The following FAT1 variants were observed in gnomAD, a reference collection of about 807,000 sequenced individuals.
FAT1 encodes the protein protocadherin Fat 1.
FAT1 carries 171 observed loss-of-function variants against 329.8 expected under a neutral mutation model. The ratio of observed to expected loss-of-function variants is 0.52; its 90% CI spans 0.46 to 0.59. FAT1 has a LOEUF of 0.59. Ranked by LOEUF, FAT1 falls within the 20% of genes least tolerant of loss-of-function variation. The pLI, the probability that FAT1 is intolerant of heterozygous loss-of-function variation, is 0.00. For synonymous variants in FAT1, 2,233 were observed against 2,228.6 expected (o/e 1.00, Z -0.06); for missense variants, 5,672 against 5,774.4 (o/e 0.98, Z 0.57).
intron 4 of FAT1, among the ~76,000 whole-genome samples, chr4:186,638,011 A>G (rs1028266443): frequency 2.6e-5 from 4 of 152,254 alleles, no homozygotes; most frequent in Admixed American, 2.6e-4. Flanking sequence ...GAGAAATACA[A>G]GCAAGCACTA....
rs1414670349 is a variant in FAT1 at position 186,600,219 on chromosome 4, C to T, written c.11782G>A (p.Asp3928Asn). 6.2e-7 allele frequency: 1 copy of T among 1,613,930 alleles called. No homozygotes were observed. The highest frequency in any genetic ancestry group is 1.3e-5 in the African/African-American group (1 of 74,940). ...VNGNYARLVL[D>N]QVHTASGTAP... is the part of the protein sequence containing the mutation. ...GTGCCCGATGCAGTATGAACTTGGT[C>T]TAGAACCAAGCGAGCATAGTTTCCA... Residue 3928 changes from aspartate (D) to asparagine (N), a missense_variant, in exon 22 of 27, where the codon GAC (aspartate) becomes AAC (asparagine). This residue lies in a region of FAT1 where 1,706 missense variants were observed against 1,859.1 expected (regional missense o/e 0.92). Coordinates refer to ENST00000441802, the MANE Select transcript of FAT1 (RefSeq NM_005245.4).
chr4:186,609,199 A>G lies in FAT1; in HGVS notation c.10190T>C (p.Leu3397Pro), dbSNP rs763175952. The G allele has an allele frequency of 6.2e-7, 1 of 1,612,770 alleles. No homozygotes were observed. Among genetic ancestry groups the G allele is most frequent in the South Asian group, 1.1e-5 (1 of 90,978 alleles). ...TTCACTTACCGTTTCTCGGTCGAGA[A>G]GTTTGGTCACTTTGACTTCTCCCCT... ...PVRGEVKVTKLLDRETISGYT... is the reference protein window; with the variant it reads ...PVRGEVKVTKPLDRETISGYT... Residue 3397 changes from leucine to proline, a missense_variant, in exon 16 of 27, where the codon CTT becomes CCT. This residue lies in a region of FAT1 where 1,706 missense variants were observed against 1,859.1 expected (regional missense o/e 0.92). Transcript: ENST00000441802.
chr4:186,624,456 G>GA (rs879538821), intron 9 of FAT1, among the ~76,000 whole-genome samples: 2 of 152,064 alleles, frequency 1.3e-5, no homozygotes, highest in Admixed American at 1.3e-4. Flanking sequence ...TAATCAATAA[G>GA]TATATTTATT....
chr4:186,660,543 T>C (rs1428252617), intron 3 of FAT1, among the ~76,000 whole-genome samples: 2 of 152,180 alleles, frequency 1.3e-5, no homozygotes, highest in Admixed American at 6.5e-5. Context: ...CTTCAACTCA[T>C]AAGGAAAGAA....
At position 186,611,526 on chromosome 4, in the gene FAT1, G is replaced by C. The variant is rs757755624; in HGVS notation, c.9713C>G (p.Thr3238Ser). ...TCCAACAAGAATGTCCTCAGACACG[G>C]TGGCACCATATTCACGGTACTCAAA... ...PVFEYREYGA[T>S]VSEDILVGTE... is the part of the protein sequence containing the mutation. Residue 3238 changes from threonine to serine, a missense_variant, in exon 14 of 27, where the codon ACC becomes AGC. This residue lies in a region of FAT1 where 1,706 missense variants were observed against 1,859.1 expected (regional missense o/e 0.92). Coordinates refer to ENST00000441802, the MANE Select transcript of FAT1 (RefSeq NM_005245.4). 1 of 1,613,928 alleles carries C rather than the reference G, an allele frequency of 6.2e-7. No homozygotes were observed.
chr4:186,708,047 A>G lies in FAT1; in HGVS notation c.1781T>C (p.Ile594Thr), dbSNP rs767708701. 79 of 1,613,904 alleles carry G rather than the reference A, an allele frequency of 4.9e-5. No individual in the cohort carries two copies. The highest frequency in any genetic ancestry group is 6.5e-5 in the Non-Finnish European group (77 of 1,179,906). ...TACCAACTGAAGTTCATCTGCATCA[A>G]TAGCAGAAACAGTGGTTATTTGCTC... ...VGEQITTVSAIDADELQLVQY... is the reference protein window; with the variant it reads ...VGEQITTVSATDADELQLVQY... The change falls in exon 2 of 27, where the codon ATT becomes ACT. Residue 594 changes from isoleucine (I) to threonine (T), a missense_variant. This residue lies in a region of FAT1 where 3,966 missense variants were observed against 3,915.2 expected (regional missense o/e 1.01). Coordinates refer to ENST00000441802, the MANE Select transcript of FAT1 (RefSeq NM_005245.4).
At chr4:186,650,940 A>G (rs754139032) in intron 3 of FAT1, among the ~76,000 whole-genome samples, 1 of 152,050 alleles carries the variant, frequency 6.6e-6, no homozygotes, top group Non-Finnish European at 1.5e-5. Context: ...GGGCAACACC[A>G]CTGGTCCAGG....
upstream of FAT1, among the ~76,000 whole-genome samples, chr4:186,726,140 C>T (rs1387053932): frequency 3.3e-5 from 5 of 152,310 alleles, no homozygotes; most frequent in Non-Finnish European, 7.3e-5. Context: ...TTTAACAGTG[C>T]TCTATATGTA....
chr4:186,642,290 C>A (rs767187637), intron 3 of FAT1, among the ~76,000 whole-genome samples: 30 of 152,262 alleles, frequency 2.0e-4, no homozygotes, highest in Non-Finnish European at 3.5e-4. Flanking sequence ...TCTCCAAGTT[C>A]TAATATTTCT....
At chr4:186,616,582 A>T (rs1739724241) in intron 11 of FAT1, among the ~76,000 whole-genome samples, 1 of 149,276 alleles carries the variant, frequency 6.7e-6, no homozygotes, top group Non-Finnish European at 1.5e-5. Flanking sequence ...TGAGCCGCGC[A>T]GATGCAGGAA....
At chr4:186,638,633 A>C (rs1009608765) in intron 4 of FAT1, among the ~76,000 whole-genome samples, 1 of 145,264 alleles carries the variant, frequency 6.9e-6, no homozygotes, top group Non-Finnish European at 1.6e-5. Flanking sequence ...ACACACACAC[A>C]CACACACACA....
In FAT1 at chr4:186,611,642, C is replaced by T. The variant is rs2126469112; in HGVS notation, c.9597G>A (p.Leu3199=). The T allele has an allele frequency of 6.2e-7, 1 of 1,613,246 alleles. No individual in the cohort carries two copies. ...TTGGCAAGCCTTGATCCACAGCTTT[C>T]AAAGAGAGGGTGTATACTGCCTGGA... ...RELQAVYTLS[L]KAVDQGLPRR... is the part of the protein sequence containing the mutation. Residue 3199 remains leucine (L), a synonymous_variant, in exon 14 of 27, where the codon TTG becomes TTA. Transcript: ENST00000441802.
intron 26 of FAT1, chr4:186,590,407 T>C: frequency 7.8e-7 from 1 of 1,289,542 alleles, no homozygotes; most frequent in Non-Finnish European, 1.0e-6. Flanking sequence ...AAAGATTCTT[T>C]TGGTGGCAGA....
At chr4:186,701,257 T>C (rs556415598) in intron 2 of FAT1, among the ~76,000 whole-genome samples, 61 of 152,244 alleles carry the variant, frequency 4.0e-4, no homozygotes, top group African/African-American at 1.4e-3. Context: ...CTGGTAGAAA[T>C]TGTTACCACG....
intron 3 of FAT1, among the ~76,000 whole-genome samples, chr4:186,660,601 G>A (rs565131821): frequency 2.6e-5 from 4 of 152,322 alleles, no homozygotes; most frequent in Non-Finnish European, 5.9e-5. Context: ...CCCTGCCAGC[G>A]GAGTGCCTGT....
chr4:186,611,668 G>A lies in FAT1; in HGVS notation c.9571C>T (p.Leu3191Phe), dbSNP rs747821599. ...IQLEKPLDRE[L>F]QAVYTLSLKA... is the part of the protein sequence containing the mutation. ...AAAGAGAGGGTGTATACTGCCTGGA[G>A]TTCTCTGTCCAAAGGTTTTTCTAAC... The change falls in exon 14 of 27, where the codon CTC becomes TTC. Residue 3191 changes from leucine (L) to phenylalanine (F), a missense_variant. Physicochemically the swap from Leu to Phe is conservative, Grantham distance 22. Around this residue, in one of 2 missense-constraint regions of FAT1, gnomAD observed 1,706 missense variants for 1,859.1 expected, o/e 0.92. Coordinates refer to ENST00000441802, the MANE Select transcript of FAT1 (RefSeq NM_005245.4). The A allele has an allele frequency of 3.1e-6, 5 of 1,611,476 alleles. No homozygotes were observed. In the African/African-American group the frequency reaches 6.7e-5, roughly 22 times the overall value.
chr4:186,592,700 G>A (rs1186158130), intron 26 of FAT1: 1 of 456,554 alleles, frequency 2.2e-6, no homozygotes, highest in Admixed American at 2.3e-5. Context: ...TACCTTCTGT[G>A]CTCACCGTGT....
At chr4:186,642,723 G>A (rs771110846) in intron 3 of FAT1, among the ~76,000 whole-genome samples, 2 of 152,308 alleles carry the variant, frequency 1.3e-5, no homozygotes, top group Non-Finnish European at 2.9e-5. Flanking sequence ...GACCCGAGGC[G>A]CAGGGAAGAA....
At chr4:186,623,996 A>T (rs1484729241) in intron 9 of FAT1, among the ~76,000 whole-genome samples, 2 of 152,170 alleles carry the variant, frequency 1.3e-5, no homozygotes, top group East Asian at 3.9e-4. Context: ...TTAAGGCAGA[A>T]ATCATCAGAT....
Sources: gnomAD v4.1 joint callset for allele counts (sites outside exome capture counted in the v4.1 genomes callset) on GRCh38, gnomAD v4.1.1 for gene constraint, gnomAD v4.1.1 regional missense constraint, MANE v1.5 for transcripts, NCBI Gene and HGNC (gene_info 2026-07-23, HGNC 2026-07-21) for gene names.